The following DYNLL1 variants were observed in gnomAD, a reference collection of about 807,000 sequenced individuals.
DYNLL1 encodes the protein dynein light chain 1, cytoplasmic.
Under a neutral mutation model 10.1 loss-of-function variants are expected in DYNLL1, and 3 were observed. That is an observed-to-expected ratio of 0.30 (90% confidence interval 0.14 to 0.77). The LOEUF (loss-of-function observed/expected upper bound fraction) is 0.77, where lower values mean the gene tolerates loss of function less well. DYNLL1 is among the 30% of genes least tolerant of loss of function. The pLI is 0.66. For missense variants in DYNLL1, 47 were observed against 111.7 expected (o/e 0.42, Z 2.61); for synonymous variants, 46 against 41.2 (o/e 1.12, Z -0.45).
chr12:120,496,561 T>C lies in DYNLL1; in HGVS notation c.132+8T>C. 3 of 1,613,510 alleles carry C rather than the reference T, an allele frequency of 1.9e-6. No individual in the cohort carries two copies. Among genetic ancestry groups the C allele is most frequent in the Non-Finnish European group, 2.5e-6 (3 of 1,179,860 alleles). ...GCGGCTCATATCAAGAAGGTGAGGA[T>C]GGGCGCGGGGGCCGATACGCAGCCG... is the stretch of plus-strand genomic sequence containing the variant. On this transcript the variant is annotated splice_region_variant and intron_variant, in intron 2 of 2. Transcript: ENST00000242577.
chr12:120,478,288 G>A (rs1878800866), intron 1 of DYNLL1, among the ~76,000 whole-genome samples: 1 of 151,056 alleles, frequency 6.6e-6, no homozygotes, highest in Non-Finnish European at 1.5e-5. Flanking sequence ...TGTATTTTTA[G>A]TAGAGACGAG....
chr12:120,496,709 C>T (rs1415700695), intron 2 of DYNLL1, 156 bp downstream of exon 2: 75 of 1,224,106 alleles, frequency 6.1e-5, no homozygotes, highest in Non-Finnish European at 8.3e-5. Flanking sequence ...TTTTGCGCTC[C>T]TGTGGAGAAG....
intron 1 of DYNLL1, among the ~76,000 whole-genome samples, chr12:120,487,196 G>C (rs1879015016): frequency 7.2e-6 from 1 of 138,240 alleles, no homozygotes; most frequent in South Asian, 2.4e-4. Flanking sequence ...GGATGGTCTC[G>C]ATCTCTGACC....
chr12:120,481,746 G>A (rs1295979616), intron 1 of DYNLL1, among the ~76,000 whole-genome samples: 1 of 152,258 alleles, frequency 6.6e-6, no homozygotes, highest in African/African-American at 2.4e-5. Context: ...CCTCCCTGGA[G>A]GTTGGGGGAA....
Position 120,496,565 on chromosome 12 carries a change from C to T in DYNLL1, c.132+12C>T. The T allele has an allele frequency of 2.5e-6, 4 of 1,613,508 alleles. No individual in the cohort carries two copies. Among genetic ancestry groups the T allele is most frequent in the African/African-American group, 1.3e-5 (1 of 74,838 alleles). On this transcript the variant is annotated intron_variant, in intron 2 of 2. Transcript: ENST00000242577. ...CTCATATCAAGAAGGTGAGGATGGG[C>T]GCGGGGGCCGATACGCAGCCGGGAG...
chr12:120,474,518 ATAACT>A (rs1286724784), intron 1 of DYNLL1, among the ~76,000 whole-genome samples: 1 of 152,126 alleles, frequency 6.6e-6, no homozygotes, highest in Non-Finnish European at 1.5e-5. Flanking sequence ...TCACCACTAA[ATAACT>A]TAAAGAACTT....
At position 120,485,839 on chromosome 12, in the gene DYNLL1, T is replaced by TAAA. The variant is rs749971979; in HGVS notation, c.-6-10556_-6-10554dup. On this transcript the variant is annotated intron_variant, in intron 1 of 2. Transcript: ENST00000392509. ...CTATTTGACAGAGTAAGTCCCTGTC[T>TAAA]AAAAAAAAAAAAAAAAAAAAAAAGA... is the stretch of plus-strand genomic sequence containing the variant. Among the ~76,000 whole-genome samples the TAAA allele has an allele frequency of 3.7e-3, 279 of 76,212 alleles. 11 individuals are homozygous for TAAA. The highest frequency in any genetic ancestry group is 0.022 in the Middle Eastern group (3 of 138). 50.0% of individuals were successfully genotyped at this position (76,212 alleles called of 152,430 possible).
upstream of DYNLL1, among the ~76,000 whole-genome samples, chr12:120,493,332 G>A (rs1565924484): frequency 2.6e-5 from 4 of 151,882 alleles, no homozygotes; most frequent in Non-Finnish European, 4.4e-5. Context: ...GAGCTCAGGA[G>A]TTCAAGACCA....
Position 120,496,135 on chromosome 12 carries a change from C to T in DYNLL1, c.-88C>T, listed in dbSNP as rs1251748427. ...CTTAGATGCGCCACGGTTTCGGTAG[C>T]GACGGTATCTCTAGCCGGGCCTGAG... On this transcript the variant is annotated 5_prime_UTR_variant, in exon 1 of 3. Transcript: ENST00000242577. The T allele has an allele frequency of 3.9e-6, 2 of 519,178 alleles. No individual in the cohort carries two copies. The highest frequency in any genetic ancestry group is 1.9e-5 in the African/African-American group (1 of 51,974). The allele number at this position is 519,178 out of a possible 1,614,324, so 32.2% of individuals were successfully genotyped here.
chr12:120,490,862 C>A (rs928099214), intron 1 of DYNLL1: 1 of 152,224 alleles, frequency 6.6e-6, no homozygotes, highest in African/African-American at 2.4e-5. Context: ...TCTACAGGAA[C>A]ACTAATGATA....
At chr12:120,488,704 G>C (rs1879052196) in intron 1 of DYNLL1, 2 of 152,206 alleles carry the variant, frequency 1.3e-5, no homozygotes, top group Admixed American at 1.3e-4. Context: ...CTGAGGTCGG[G>C]AGTTCAAGGC....
At chr12:120,488,066 T>G (rs990063565) in intron 1 of DYNLL1, 4 of 152,118 alleles carry the variant, frequency 2.6e-5, no homozygotes, top group African/African-American at 9.7e-5. Context: ...CAGAAAAACT[T>G]ATTTCTCTTT....
chr12:120,496,252 G>A, intron 1 of DYNLL1, 36 bp downstream of exon 1: 1 of 1,021,924 alleles, frequency 9.8e-7, no homozygotes, highest in Non-Finnish European at 1.4e-6. Context: ...TGTCCTCGCT[G>A]CCTTATTTCG....
chr12:120,475,675 C>T (rs1374751039), intron 1 of DYNLL1, among the ~76,000 whole-genome samples: 3 of 152,072 alleles, frequency 2.0e-5, no homozygotes, highest in Non-Finnish European at 2.9e-5. Flanking sequence ...TTATATTTAA[C>T]AATAATTAAC....
At chr12:120,496,330 C>A in intron 1 of DYNLL1, 86 bp from the exon 2 acceptor site, 3 of 1,565,746 alleles carry the variant, frequency 1.9e-6, no homozygotes, top group Non-Finnish European at 2.6e-6. Flanking sequence ...GGCGTCGTCC[C>A]GTGGTGGCGC....
In DYNLL1 at chr12:120,496,483, C is replaced by T; in HGVS notation, c.62C>T (p.Ser21Leu). ...ATGTCGGAAGAGATGCAACAGGACT[C>T]GGTGGAGTGCGCTACTCAGGCGCTG... is the stretch of plus-strand genomic sequence containing the variant. ...ADMSEEMQQDSVECATQALEK... is the reference protein window; with the variant it reads ...ADMSEEMQQDLVECATQALEK... The change falls in exon 2 of 3, where the codon TCG becomes TTG. Residue 21 changes from serine (S) to leucine (L), a missense_variant. Physicochemically the swap from Ser to Leu is moderately radical, Grantham distance 145. Transcript: ENST00000242577. 1 of 1,614,192 alleles carries T rather than the reference C, an allele frequency of 6.2e-7. No homozygotes were observed. Among genetic ancestry groups the T allele is most frequent in the Non-Finnish European group, 8.5e-7 (1 of 1,180,038 alleles).
intron 1 of DYNLL1, chr12:120,488,797 C>T (rs1879055618): frequency 6.6e-6 from 1 of 152,140 alleles, no homozygotes; most frequent in Admixed American, 6.6e-5. Context: ...CCGGTAATCC[C>T]ACCTACTGAG....
chr12:120,480,203 A>G (rs139444978), intron 1 of DYNLL1, among the ~76,000 whole-genome samples: 2 of 152,230 alleles, frequency 1.3e-5, no homozygotes, highest in Admixed American at 1.3e-4. Flanking sequence ...GGTTCCCCCA[A>G]AATTAGAGGG....
intron 2 of DYNLL1, 180 bp downstream of exon 2, chr12:120,496,733 C>G: frequency 2.1e-5 from 16 of 767,072 alleles, no homozygotes; most frequent in Non-Finnish European, 3.9e-6. Flanking sequence ...AGACCCCCGG[C>G]GTCCGAAGTT....
Sources: allele counts gnomAD v4.1 joint callset (sites outside exome capture counted in the v4.1 genomes callset), GRCh38; gene constraint gnomAD v4.1.1; transcripts MANE v1.5; gene names NCBI Gene and HGNC (gene_info 2026-07-23, HGNC 2026-07-21).